The following DYNC1I2 variants were observed in gnomAD, a reference collection of about 807,000 sequenced individuals.
DYNC1I2 encodes the protein dynein cytoplasmic 1 intermediate chain 2, also known as cytoplasmic dynein 1 intermediate chain 2.
In DYNC1I2, 53 loss-of-function variants were observed where a neutral mutation model predicts 88.6. The ratio of observed to expected loss-of-function variants is 0.60; its 90% CI spans 0.48 to 0.75. DYNC1I2 has a LOEUF of 0.75. Among genes scored for constraint, DYNC1I2 ranks in the 30% least tolerant of loss-of-function variants. The pLI, the probability that DYNC1I2 is intolerant of heterozygous loss-of-function variation, is 0.00. For synonymous variants in DYNC1I2, 198 were observed against 254.6 expected (o/e 0.78, Z 2.12); for missense variants, 458 against 766.6 (o/e 0.60, Z 4.75).
intron 5 of DYNC1I2, among the ~76,000 whole-genome samples, chr2:171,711,157 T>C (rs976181302): frequency 6.6e-6 from 1 of 151,998 alleles, no homozygotes; most frequent in African/African-American, 2.4e-5. Context: ...CTGAGAATGA[T>C]GGTTTCCAGC....
intron 15 of DYNC1I2, among the ~76,000 whole-genome samples, chr2:171,743,689 T>C (rs1231674617): frequency 5.9e-5 from 9 of 152,240 alleles, no homozygotes; most frequent in Admixed American, 4.6e-4. Context: ...CCTGCCCTCA[T>C]TGCTTTATCT....
At chr2:171,689,824 A>C (rs1685248854) in intron 1 of DYNC1I2, among the ~76,000 whole-genome samples, 2 of 150,424 alleles carry the variant, frequency 1.3e-5, no homozygotes, top group Non-Finnish European at 3.0e-5. Flanking sequence ...CAATCCTTCC[A>C]AGTAGTTGGG....
At chr2:171,708,658 G>T (rs1457541765) in intron 5 of DYNC1I2, among the ~76,000 whole-genome samples, 1 of 151,590 alleles carries the variant, frequency 6.6e-6, no homozygotes, top group African/African-American at 2.4e-5. Flanking sequence ...TTCATATTTT[G>T]TGCTTCTATA....
At chr2:171,727,057 G>C in intron 11 of DYNC1I2, 141 bp downstream of exon 11, 1 of 930,360 alleles carries the variant, frequency 1.1e-6, no homozygotes, top group Non-Finnish European at 1.5e-6. Context: ...TTTGCAAACA[G>C]ATGTTAACAG....
chr2:171,728,021 A>C (rs1024495668), intron 12 of DYNC1I2, 54 bp downstream of exon 12: 1 of 1,578,844 alleles, frequency 6.3e-7, no homozygotes, highest in African/African-American at 1.4e-5. Context: ...ATCCTTAGCT[A>C]TAATACTTAG....
At chr2:171,736,308 G>A (rs1239704689) in intron 15 of DYNC1I2, among the ~76,000 whole-genome samples, 1 of 152,180 alleles carries the variant, frequency 6.6e-6, no homozygotes, top group Non-Finnish European at 1.5e-5. Context: ...CAGTATACTA[G>A]AGTTGATTAG....
At chr2:171,721,121 TAAAAAAAAAAAAAA>T (rs1170082849) in intron 7 of DYNC1I2, among the ~76,000 whole-genome samples, 14 of 60,778 alleles carry the variant, frequency 2.3e-4, no homozygotes, top group African/African-American at 8.1e-4. Flanking sequence ...CCCCATCTCT[TAAAAAAAAAAAAAA>T]AAAAAAAAAA....
chr2:171,729,717 G>C lies in DYNC1I2; in HGVS notation c.1400G>C (p.Gly467Ala). 1 of 1,612,386 alleles carries C rather than the reference G, an allele frequency of 6.2e-7. No individual in the cohort carries two copies. Among genetic ancestry groups the C allele is most frequent in the Non-Finnish European group, 8.5e-7 (1 of 1,179,698 alleles). ...CACTTTTATGAAATTAGCAAAGCTG[G>C]AATCAGTGAGATGTTTGAGGGGCAT... The part of the protein sequence containing the change: ...YTACRHGSKA[G>A]ISEMFEGHQG... Residue 467 changes from glycine (G) to alanine (A), a missense_variant, in exon 15 of 18, where the codon GGA (glycine) becomes GCA (alanine). By Grantham distance (60) the Gly-to-Ala change is moderately conservative. Coordinates refer to ENST00000397119, the MANE Select transcript of DYNC1I2 (RefSeq NM_001378.3).
rs567960529 is a variant in DYNC1I2, at chr2:171,745,961, C to T, written c.1803+34C>T. 23 of 1,610,806 alleles carry T rather than the reference C, an allele frequency of 1.4e-5. 1 individual carries two copies. Among genetic ancestry groups the T allele is most frequent in the East Asian group, 6.7e-5 (3 of 44,782 alleles). ...CTCCCTGCCTGTAATTTTGACACAT[C>T]GATTTAGTTGCATTGTAGTAAAGGC... is the stretch of plus-strand genomic sequence containing the variant. On this transcript the variant is annotated intron_variant, in intron 17 of 17. Coordinates refer to ENST00000397119, the MANE Select transcript of DYNC1I2 (RefSeq NM_001378.3).
At chr2:171,707,248 G>A (rs190799751) in intron 4 of DYNC1I2, 39 bp from the exon 5 acceptor site, 350 of 1,613,320 alleles carry the variant, frequency 2.2e-4, no homozygotes, top group Middle Eastern at 3.3e-4. Context: ...CAACCTCTCC[G>A]TGTAGTAACA....
At chr2:171,736,766 A>G (rs996300883) in intron 15 of DYNC1I2, among the ~76,000 whole-genome samples, 2 of 152,182 alleles carry the variant, frequency 1.3e-5, no homozygotes, top group African/African-American at 2.4e-5. Context: ...ATAGAAAGAT[A>G]TTTCTGACCT....
At chr2:171,729,886 A>G (rs771585989) in intron 15 of DYNC1I2, 33 bp downstream of exon 15, 9 of 1,611,268 alleles carry the variant, frequency 5.6e-6, no homozygotes, top group South Asian at 4.4e-5. Flanking sequence ...CTATTTGCTC[A>G]GGTTTCTGAC....
At chr2:171,741,186 A>G (rs550258062) in intron 15 of DYNC1I2, among the ~76,000 whole-genome samples, 5 of 152,118 alleles carry the variant, frequency 3.3e-5, no homozygotes, top group Non-Finnish European at 7.4e-5. Flanking sequence ...TAGATATACC[A>G]CTTTTTGTTT....
At chr2:171,720,966 T>C (rs1379064050) in intron 7 of DYNC1I2, among the ~76,000 whole-genome samples, 1 of 151,458 alleles carries the variant, frequency 6.6e-6, no homozygotes, top group African/African-American at 2.4e-5. Context: ...GTGCTAATAC[T>C]GCGAAAATAA....
In DYNC1I2 at chr2:171,726,261, C is replaced by A; in HGVS notation, c.838C>A (p.Arg280=). 1 of 1,611,776 alleles carries A rather than the reference C, an allele frequency of 6.2e-7. No individual in the cohort carries two copies. Residue 280 remains arginine (R), a synonymous_variant, in exon 10 of 18, where the codon CGG becomes AGG. Transcript: ENST00000397119. The part of the protein sequence containing the change: ...QFFDERWSKH[R]VVSCLDWSSQ... The stretch of plus-strand genomic sequence containing the variant: ...TTTTGACGAACGTTGGTCAAAGCAT[C>A]GGGTGGTTAGTTGTTTGGATTGGTC...
intron 1 of DYNC1I2, among the ~76,000 whole-genome samples, chr2:171,689,623 C>A (rs1170457391): frequency 1.3e-5 from 2 of 152,094 alleles, no homozygotes; most frequent in Non-Finnish European, 2.9e-5. Context: ...TATGGGCTAG[C>A]TACTATGCTC....
chr2:171,729,126 C>A (rs1243968000), intron 14 of DYNC1I2, among the ~76,000 whole-genome samples: 1 of 152,154 alleles, frequency 6.6e-6, no homozygotes. Flanking sequence ...GTTACAAATA[C>A]AATATGCACA....
intron 3 of DYNC1I2, among the ~76,000 whole-genome samples, chr2:171,705,569 G>A (rs905100214): frequency 6.6e-6 from 1 of 152,074 alleles, no homozygotes. Context: ...TTACAGCACA[G>A]TAGGCAAACA....
rs1243394475 is a variant in DYNC1I2 at position 171,734,014 on chromosome 2, T to A, written c.1536+4161T>A. Among the ~76,000 whole-genome samples the A allele has an allele frequency of 2.0e-5, 3 of 152,202 alleles. No homozygotes were observed. The East Asian group carries it at 5.8e-4, about 29-fold the overall frequency. On this transcript the variant is annotated intron_variant, in intron 15 of 17. Coordinates refer to ENST00000397119, the MANE Select transcript of DYNC1I2 (RefSeq NM_001378.3). ...GGGTCTAGTTTCAGTTTTCTACATA[T>A]GGCTAGCCAGTTCTCCCAGCACCAT...
Sources: allele counts gnomAD v4.1 joint callset (sites outside exome capture counted in the v4.1 genomes callset), GRCh38; gene constraint gnomAD v4.1.1; transcripts MANE v1.5; gene names NCBI Gene and HGNC (gene_info 2026-07-23, HGNC 2026-07-21).